CSMD2: variants seen among roughly 807,000 people sequenced by gnomAD.
CSMD2 encodes CUB and sushi domain-containing protein 2.
In CSMD2, 130 loss-of-function variants were observed where a neutral mutation model predicts 398.5. The observed-to-expected ratio is 0.33, with a 90% CI of 0.28 to 0.38. The LOEUF (loss-of-function observed/expected upper bound fraction) is 0.38, where lower values mean the gene tolerates loss of function less well. Among genes scored for constraint, CSMD2 ranks in the 10% least tolerant of loss-of-function variants. The probability of loss-of-function intolerance (pLI) is 1.00; values close to 1 mark genes in which losing one functional copy is unlikely to be tolerated. For missense variants in CSMD2, 3,829 were observed against 4,764.9 expected, an observed-to-expected ratio of 0.80 and a Z score of 5.78; for synonymous variants, 1,828 against 1,908.5, an observed-to-expected ratio of 0.96 and a Z score of 1.10.
intron 3 of CSMD2, among the ~76,000 whole-genome samples, chr1:34,026,180 C>T (rs1649619778): frequency 1.3e-5 from 2 of 152,174 alleles, no homozygotes; most frequent in African/African-American, 4.8e-5. Flanking sequence ...GAGGCTGGAG[C>T]TCAATGAAAT....
rs751373015 is a variant in CSMD2, at chr1:33,819,781, T to C, written c.1256A>G (p.Lys419Arg). The C allele has an allele frequency of 6.2e-7, 1 of 1,614,112 alleles. No homozygotes were observed. The highest frequency in any genetic ancestry group is 8.5e-7 in the Non-Finnish European group (1 of 1,180,004). ...CNEGYDLQGSKRITCMKVSDM... is the reference protein window; with the variant it reads ...CNEGYDLQGSRRITCMKVSDM... ...GCTCACTTTCATACAGGTGATCCGC[T>C]TGGACCCTTGCAGGTCATAGCCCTC... The change falls in exon 9 of 71, where the codon AAG (lysine) becomes AGG (arginine). Residue 419 changes from lysine (K) to arginine (R), a missense_variant. Physicochemically the swap from Lys to Arg is conservative, Grantham distance 26. Around this residue, in one of 5 missense-constraint regions of CSMD2, gnomAD observed 2,001 missense variants for 2,567.1 expected, o/e 0.78. Coordinates refer to ENST00000373381, the MANE Select transcript of CSMD2 (RefSeq NM_001281956.2).
intron 9 of CSMD2, among the ~76,000 whole-genome samples, chr1:33,811,825 G>C (rs1475936594): frequency 6.6e-6 from 1 of 152,162 alleles, no homozygotes; most frequent in African/African-American, 2.4e-5. Context: ...TTAATAAAAG[G>C]TTCTAAGAGC....
chr1:34,009,777 C>A (rs1311006010), intron 3 of CSMD2, among the ~76,000 whole-genome samples: 3 of 152,092 alleles, frequency 2.0e-5, no homozygotes, highest in African/African-American at 7.2e-5. Context: ...CCTCCTACCC[C>A]CACTCCCCCA....
intron 57 of CSMD2, 116 bp downstream of exon 57, chr1:33,545,921 T>C: frequency 1.1e-6 from 1 of 950,814 alleles, no homozygotes; most frequent in Non-Finnish European, 1.6e-6. Context: ...AGGCTGAGGG[T>C]TCAAATGGGG....
At chr1:33,538,475 CGTGTGT>C (rs36072752) in intron 60 of CSMD2, among the ~76,000 whole-genome samples, 7 of 151,274 alleles carry the variant, frequency 4.6e-5, no homozygotes, top group Non-Finnish European at 8.9e-5. Context: ...TGTGCGTGTG[CGTGTGT>C]GTGTGTGTGT....
At chr1:34,143,396 A>C (rs572572420) in intron 1 of CSMD2, among the ~76,000 whole-genome samples, 68 of 152,302 alleles carry the variant, frequency 4.5e-4, no homozygotes, top group African/African-American at 1.6e-3. Flanking sequence ...TCCTTCAGGA[A>C]GTCATCCCTG....
At chr1:33,996,572 G>A (rs935715466) in intron 3 of CSMD2, among the ~76,000 whole-genome samples, 1 of 152,228 alleles carries the variant, frequency 6.6e-6, no homozygotes, top group Non-Finnish European at 1.5e-5. Flanking sequence ...GGACTGGAAG[G>A]AAAGGGTTGC....
chr1:33,741,721 A>G (rs925092364), intron 14 of CSMD2, among the ~76,000 whole-genome samples: 6 of 152,270 alleles, frequency 3.9e-5, no homozygotes, highest in Admixed American at 2.6e-4. Flanking sequence ...AAGAAATACA[A>G]GTAAGAGCTA....
chr1:33,841,776 A>C (rs192695368), intron 6 of CSMD2, among the ~76,000 whole-genome samples: 23 of 152,348 alleles, frequency 1.5e-4, no homozygotes, highest in Admixed American at 1.5e-3. Context: ...CTCAGGTTGA[A>C]GTAGGGGTGG....
In CSMD2 at chr1:33,614,640, C is replaced by G. The variant is rs774752503; in HGVS notation, c.6017-20G>C. On this transcript the variant is annotated intron_variant, in intron 39 of 70. Transcript: ENST00000373381. ...ACTGTGCTGTGACAATGAGATGAGA[C>G]AGAGGGTCAGGACAACATCAAGGGG... The G allele has an allele frequency of 7.0e-7, 1 of 1,426,872 alleles. No individual in the cohort carries two copies. Among genetic ancestry groups the G allele is most frequent in the Non-Finnish European group, 9.9e-7 (1 of 1,011,032 alleles). The allele number at this position is 1,426,872 out of a possible 1,614,324, so 88.4% of individuals were successfully genotyped here. A position where few individuals can be genotyped will look rare whatever the true frequency, so the allele number is the denominator to read the frequency against.
In CSMD2 at chr1:33,753,286, AG is replaced by A. The variant is rs200365262; in HGVS notation, c.1847-9681del. ...AGGCCCAGGAGGAAAGAATGATTTC[AG>A]GGACCAGGCCTGGGGCACTGCAGTC... On this transcript the variant is annotated intron_variant, in intron 13 of 70. Transcript: ENST00000373381. Among the ~76,000 whole-genome samples, 1,467 of 152,346 alleles carry A rather than the reference AG, an allele frequency of 9.6e-3. 23 individuals are homozygous for A. Among genetic ancestry groups the A allele is most frequent in the African/African-American group, 0.033 (1,385 of 41,582 alleles).
At chr1:33,768,581 A>C (rs1169177749) in intron 13 of CSMD2, among the ~76,000 whole-genome samples, 1 of 145,208 alleles carries the variant, frequency 6.9e-6, no homozygotes, top group African/African-American at 2.6e-5. Flanking sequence ...TGTGTGTGTC[A>C]CCAGAACAGA....
intron 53 of CSMD2, among the ~76,000 whole-genome samples, chr1:33,564,665 A>C (rs995218115): frequency 2.0e-5 from 3 of 152,188 alleles, no homozygotes; most frequent in African/African-American, 7.2e-5. Context: ...AGCCTCCTGA[A>C]TAGCTGGGAC....
rs750950415 is a variant in CSMD2 at position 33,567,789 on chromosome 1, G to A, written c.8184C>T (p.Leu2728=). The A allele has an allele frequency of 6.2e-6, 10 of 1,612,512 alleles. No homozygotes were observed. In the East Asian group the frequency reaches 2.0e-4, roughly 32 times the overall value. The change falls in exon 53 of 71, where the codon CTC becomes CTT. Residue 2728 remains leucine, a synonymous_variant. Coordinates refer to ENST00000373381, the MANE Select transcript of CSMD2 (RefSeq NM_001281956.2). ...SIFYKLLFDV[L]SSPSLTKAGH... ...CAGCTTTGGTGAGGGATGGGGAAGA[G>A]AGTACATCGAAGAGGAGCTTATAGA...
chr1:33,765,916 A>G (rs959785294), intron 13 of CSMD2, among the ~76,000 whole-genome samples: 5 of 152,226 alleles, frequency 3.3e-5, no homozygotes, highest in Non-Finnish European at 7.3e-5. Context: ...CCTCCTAGAC[A>G]GGGCTGGAAC....
At chr1:33,914,170 G>T (rs1341608971) in intron 5 of CSMD2, among the ~76,000 whole-genome samples, 1 of 152,146 alleles carries the variant, frequency 6.6e-6, no homozygotes, top group African/African-American at 2.4e-5. Flanking sequence ...CCAAGTGACT[G>T]GGTCAGAGCA....
chr1:33,846,297 T>C (rs1330474404), intron 6 of CSMD2, among the ~76,000 whole-genome samples: 1 of 152,262 alleles, frequency 6.6e-6, no homozygotes, highest in African/African-American at 2.4e-5. Context: ...CTGTTGCCAC[T>C]AGACAGTTCT....
At chr1:33,871,254 G>A (rs1640438284) in intron 5 of CSMD2, among the ~76,000 whole-genome samples, 2 of 152,192 alleles carry the variant, frequency 1.3e-5, no homozygotes, top group African/African-American at 2.4e-5. Flanking sequence ...GATAGCTTTG[G>A]AACCAGGCAG....
intron 32 of CSMD2, among the ~76,000 whole-genome samples, chr1:33,631,968 T>C (rs1642491022): frequency 6.6e-6 from 1 of 152,044 alleles, no homozygotes; most frequent in Non-Finnish European, 1.5e-5. Flanking sequence ...TATAGTGTTA[T>C]AATAATTAAA....
Sources: allele counts gnomAD v4.1 joint callset (sites outside exome capture counted in the v4.1 genomes callset), GRCh38; gene constraint gnomAD v4.1.1; regional missense constraint gnomAD v4.1.1; transcripts MANE v1.5; gene names NCBI Gene and HGNC (gene_info 2026-07-23, HGNC 2026-07-21).